EEF1G: variants seen among roughly 807,000 people sequenced by gnomAD.
EEF1G encodes elongation factor 1-gamma.
EEF1G carries 14 observed loss-of-function variants against 58.3 expected under a neutral mutation model. The observed-to-expected ratio is 0.24, with a 90% CI of 0.16 to 0.38. EEF1G has a LOEUF of 0.38. EEF1G is among the 10% of genes least tolerant of loss of function. The probability of loss-of-function intolerance (pLI) is 1.00; values close to 1 mark genes in which losing one functional copy is unlikely to be tolerated. For synonymous variants in EEF1G, 180 were observed against 206.8 expected (o/e 0.87, Z 1.11); for missense variants, 322 against 550.1 (o/e 0.59, Z 4.15).
rs1941652507 is a variant in EEF1G at position 62,572,866 on chromosome 11, G to A, written c.13-124C>T. On this transcript the variant is annotated intron_variant, in intron 1 of 9. Transcript: ENST00000329251. The stretch of plus-strand genomic sequence containing the variant: ...AACTCACCCTTTTACTTCCTCTGGT[G>A]AACCAAGTCCTTTAGTACTTGTCAT... 6 of 905,646 alleles carry A rather than the reference G, an allele frequency of 6.6e-6. No homozygotes were observed. In the South Asian group the frequency reaches 9.6e-5, roughly 14 times the overall value. The allele number at this position is 905,646 out of a possible 1,614,324, so 56.1% of individuals were successfully genotyped here. A position where few individuals can be genotyped will look rare whatever the true frequency, so the allele number is the denominator to read the frequency against.
intron 5 of EEF1G, among the ~76,000 whole-genome samples, chr11:62,570,218 C>G (rs563408770): frequency 6.6e-6 from 1 of 152,060 alleles, no homozygotes; most frequent in African/African-American, 2.4e-5. Flanking sequence ...CCTACCACCA[C>G]GCCCGGCTAA....
chr11:62,569,091 A>C (rs886727220), intron 5 of EEF1G, among the ~76,000 whole-genome samples: 2 of 149,876 alleles, frequency 1.3e-5, no homozygotes, highest in Non-Finnish European at 2.9e-5. Context: ...ACACGCACAC[A>C]CACACACACA....
Position 62,560,080 on chromosome 11 carries a change from G to A in EEF1G, c.1144C>T (p.Leu382Phe). The change falls in exon 9 of 10, where the codon CTT (leucine) becomes TTT (phenylalanine). Residue 382 changes from leucine to phenylalanine, a missense_variant. Coordinates refer to ENST00000329251, the MANE Select transcript of EEF1G (RefSeq NM_001404.5). ...SGVWVFRGQE[L>F]AFPLSPDWQV... ...TCCACCTTCCTCACCGGAAAGGCAA[G>A]CTCCTGGCCTCGGAAGACCCAGACT... 5.0e-6 allele frequency: 8 copies of A among 1,614,020 alleles called. No homozygotes were observed. The highest frequency in any genetic ancestry group is 5.9e-6 in the Non-Finnish European group (7 of 1,179,896).
chr11:62,573,468 G>C, intron 1 of EEF1G: 1 of 345,020 alleles, frequency 2.9e-6, no homozygotes, highest in South Asian at 3.8e-5. Context: ...TGCCTACAAA[G>C]ACCCTCCTCT....
intron 7 of EEF1G, among the ~76,000 whole-genome samples, chr11:62,561,784 CCT>C (rs1941500166): frequency 6.6e-6 from 1 of 152,038 alleles, no homozygotes; most frequent in Non-Finnish European, 1.5e-5. Flanking sequence ...TTGAATCTTC[CCT>C]GTTTGTCTCT....
intron 5 of EEF1G, among the ~76,000 whole-genome samples, chr11:62,568,159 C>T (rs1219761396): frequency 1.3e-5 from 2 of 150,202 alleles, no homozygotes; most frequent in South Asian, 2.1e-4. Context: ...ACCCGGGAGG[C>T]GGAGCTTGCA....
chr11:62,567,598 C>CT, intron 5 of EEF1G, 70 bp from the exon 6 acceptor site: 1 of 1,426,498 alleles, frequency 7.0e-7, no homozygotes, highest in Non-Finnish European at 9.3e-7. Context: ...CAGCAAGAGT[C>CT]CTTGCTCTAC....
intron 9 of EEF1G, 113 bp from the exon 10 acceptor site, chr11:62,559,950 G>A (rs971347252): frequency 2.5e-6 from 4 of 1,604,652 alleles, no homozygotes; most frequent in Non-Finnish European, 2.6e-6. Context: ...AACATGAACT[G>A]CTCCTTCCTA....
intron 5 of EEF1G, among the ~76,000 whole-genome samples, chr11:62,568,859 G>C (rs527333008): frequency 2.6e-5 from 4 of 151,950 alleles, no homozygotes; most frequent in Non-Finnish European, 5.9e-5. Flanking sequence ...CGTAATCCCA[G>C]CTACTCAGGA....
chr11:62,565,454 G>C (rs1941545546), intron 7 of EEF1G, among the ~76,000 whole-genome samples: 1 of 151,572 alleles, frequency 6.6e-6, no homozygotes, highest in Non-Finnish European at 1.5e-5. Flanking sequence ...CCAATAAATA[G>C]ACATTAATAA....
chr11:62,571,841 A>C lies in EEF1G; in HGVS notation c.232T>G (p.Tyr78Asp). 1 of 1,588,346 alleles carries C rather than the reference A, an allele frequency of 6.3e-7. No individual in the cohort carries two copies. The highest frequency in any genetic ancestry group is 8.6e-7 in the Non-Finnish European group (1 of 1,167,196). ...CCCATATACCCCTGCAAATTACCAT[A>C]GTAGGCAATGGCGTTGCTCTCAAAC... is the stretch of plus-strand genomic sequence containing the variant. The part of the protein sequence containing the change: ...CVFESNAIAY[Y>D]VSNEELRGST... The change falls in exon 3 of 10, where the codon TAT (tyrosine) becomes GAT (aspartate). Residue 78 changes from tyrosine to aspartate, a missense_variant. Tyr to Asp is a radical substitution (Grantham distance 160). This residue lies in a region of EEF1G where 52 missense variants were observed against 139.4 expected (regional missense o/e 0.37). Coordinates refer to ENST00000329251, the MANE Select transcript of EEF1G (RefSeq NM_001404.5).
Position 62,559,701 on chromosome 11 carries a change from T to C in EEF1G, c.1292A>G (p.Asn431Ser), listed in dbSNP as rs186189172. Residue 431 changes from asparagine to serine, a missense_variant, in exon 10 of 10, where the codon AAT (asparagine) becomes AGT (serine). By Grantham distance (46) the Asn-to-Ser change is conservative. Around this residue, in one of 3 missense-constraint regions of EEF1G, gnomAD observed 208 missense variants for 323.7 expected, o/e 0.64. Coordinates refer to ENST00000329251, the MANE Select transcript of EEF1G (RefSeq NM_001404.5). ...TGTTCACTTGAAGATCTTGCCCTGA[T>C]TGAAGGCTTTGCCCACATGCTGGAA... Reference protein sequence around the residue: ...GAFQHVGKAFNQGKIFK With the variant: ...GAFQHVGKAFSQGKIFK 1.3e-4 allele frequency: 212 copies of C among 1,613,970 alleles called. No individual in the cohort carries two copies. Among genetic ancestry groups the C allele is most frequent in the Admixed American group, 1.7e-5 (1 of 60,016 alleles).
At position 62,560,070 on chromosome 11, in the gene EEF1G, G is replaced by T. The variant is rs377564786; in HGVS notation, c.1154C>A (p.Pro385Gln). The change falls in exon 9 of 10, where the codon CCG becomes CAG. Residue 385 changes from proline to glutamine, a missense_variant and splice_region_variant. This residue lies in a region of EEF1G where 208 missense variants were observed against 323.7 expected (regional missense o/e 0.64). Coordinates refer to ENST00000329251, the MANE Select transcript of EEF1G (RefSeq NM_001404.5). Reference protein sequence around the residue: ...WVFRGQELAFPLSPDWQVDYE... With the variant: ...WVFRGQELAFQLSPDWQVDYE... ...ACTCCTCTCCTCCACCTTCCTCACCGGAAAGGCAAGCTCCTGGCCTCGGAA... is the reference window on the plus strand; with the variant it reads ...ACTCCTCTCCTCCACCTTCCTCACCTGAAAGGCAAGCTCCTGGCCTCGGAA... 1.9e-6 allele frequency: 3 copies of T among 1,613,772 alleles called. No individual in the cohort carries two copies. Among genetic ancestry groups the T allele is most frequent in the African/African-American group, 1.3e-5 (1 of 74,898 alleles).
At position 62,572,620 on chromosome 11, in the gene EEF1G, G is replaced by A. The variant is rs1387934654; in HGVS notation, c.135C>T (p.Arg45=). The A allele has an allele frequency of 1.2e-6, 2 of 1,612,160 alleles. No homozygotes were observed. Among genetic ancestry groups the A allele is most frequent in the African/African-American group, 1.3e-5 (1 of 74,882 alleles). The stretch of plus-strand genomic sequence containing the variant: ...GAAATTTGCGGAGAAATTCAGGGGT[G>A]CGGTTGGTTTGGCCAAAATGGAAGT... The part of the protein sequence containing the change: ...PPHFHFGQTN[R]TPEFLRKFPA... Residue 45 remains arginine, a synonymous_variant, in exon 2 of 10, where the codon CGC becomes CGT. Coordinates refer to ENST00000329251, the MANE Select transcript of EEF1G (RefSeq NM_001404.5).
At chr11:62,561,565 G>A (rs1941494079) in intron 7 of EEF1G, among the ~76,000 whole-genome samples, 1 of 149,152 alleles carries the variant, frequency 6.7e-6, no homozygotes, top group Non-Finnish European at 1.5e-5. Context: ...AGCTACTCGG[G>A]AGGCAGGGAC....
chr11:62,560,086 G>C lies in EEF1G; in HGVS notation c.1138C>G (p.Gln380Glu). 6.2e-7 allele frequency: 1 copy of C among 1,613,974 alleles called. No individual in the cohort carries two copies. The highest frequency in any genetic ancestry group is 8.5e-7 in the Non-Finnish European group (1 of 1,179,878). ...SISGVWVFRG[Q>E]ELAFPLSPDW... ...TTCCTCACCGGAAAGGCAAGCTCCT[G>C]GCCTCGGAAGACCCAGACTCCAGAA... The change falls in exon 9 of 10, where the codon CAG (glutamine) becomes GAG (glutamate). Residue 380 changes from glutamine (Q) to glutamate (E), a missense_variant. Gln to Glu is a conservative substitution (Grantham distance 29). Around this residue, in one of 3 missense-constraint regions of EEF1G, gnomAD observed 208 missense variants for 323.7 expected, o/e 0.64. Transcript: ENST00000329251.
intron 3 of EEF1G, 48 bp from the exon 4 acceptor site, chr11:62,571,730 C>G (rs1203355335): frequency 6.4e-7 from 1 of 1,571,888 alleles, no homozygotes; most frequent in Non-Finnish European, 8.6e-7. Context: ...AATGCCAACA[C>G]CAGTCCAGGT....
At chr11:62,568,381 C>CT (rs1340910890) in intron 5 of EEF1G, among the ~76,000 whole-genome samples, 1 of 83,232 alleles carries the variant, frequency 1.2e-5, no homozygotes, top group African/African-American at 4.7e-5. Context: ...GAGTGAGACT[C>CT]TGTCTCAAAA....
intron 7 of EEF1G, among the ~76,000 whole-genome samples, chr11:62,564,796 G>T (rs1430028126): frequency 7.3e-6 from 1 of 137,750 alleles, no homozygotes; most frequent in African/African-American, 2.7e-5. Flanking sequence ...GGCCAGGCAC[G>T]GTAGCTCACA....
Sources: gnomAD v4.1 joint callset for allele counts (sites outside exome capture counted in the v4.1 genomes callset) on GRCh38, gnomAD v4.1.1 for gene constraint, gnomAD v4.1.1 regional missense constraint, MANE v1.5 for transcripts, NCBI Gene and HGNC (gene_info 2026-07-23, HGNC 2026-07-21) for gene names.